Variants in KIF6 observed in about 807,000 individuals in gnomAD.
KIF6 encodes the protein kinesin-like protein KIF6.
Under a neutral mutation model 112.7 loss-of-function variants are expected in KIF6, and 106 were observed. That is an observed-to-expected ratio of 0.94 (90% CI 0.80 to 1.11). KIF6 has a LOEUF of 1.11. KIF6 is among the 50% of genes least tolerant of loss of function. The pLI is 0.00. For missense variants in KIF6, 929 were observed against 964.0 expected (o/e 0.96, Z 0.48); for synonymous variants, 339 against 339.9 (o/e 1.00, Z 0.03).
At position 39,540,204 on chromosome 6, in the gene KIF6, A is replaced by G; in HGVS notation, c.1444T>C (p.Leu482=). 6.2e-7 allele frequency: 1 copy of G among 1,609,820 alleles called. No homozygotes were observed. The highest frequency in any genetic ancestry group is 8.5e-7 in the Non-Finnish European group (1 of 1,178,612). ...DNEINILVNM[L]KKEKKKAQEA... ...TGAGCTTTCTTCTTTTCTTTTTTTA[A>G]CATGTTGACCAGGATATCTGAAACT... The change falls in exon 13 of 23, where the codon TTA becomes CTA. Residue 482 remains leucine (L), a synonymous_variant. Coordinates refer to ENST00000287152, the MANE Select transcript of KIF6 (RefSeq NM_145027.6).
Position 39,333,607 on chromosome 6 carries a change from T to C in KIF6, c.*2925A>G, listed in dbSNP as rs114160593. The C allele has an allele frequency of 6.3e-4, 96 of 152,372 alleles. No individual in the cohort carries two copies. Among genetic ancestry groups the C allele is most frequent in the African/African-American group, 2.2e-3 (92 of 41,588 alleles). 9.4% of individuals were successfully genotyped at this position (152,372 alleles called of 1,614,324 possible). A position where few individuals can be genotyped will look rare whatever the true frequency, so the allele number is the denominator to read the frequency against. On this transcript the variant is annotated 3_prime_UTR_variant, in exon 23 of 23. Transcript: ENST00000287152. ...TTTGCCAACACCACATTAGTCAAAG[T>C]GGGCCATGACAAAGCTTTGGATGTG...
chr6:39,367,303 T>C (rs1486261693), intron 16 of KIF6, among the ~76,000 whole-genome samples: 1 of 152,070 alleles, frequency 6.6e-6, no homozygotes, highest in African/African-American at 2.4e-5. Flanking sequence ...GTTTTGTAGG[T>C]CTCCATCCCC....
At chr6:39,353,405 A>G (rs887999213) in intron 19 of KIF6, among the ~76,000 whole-genome samples, 2 of 152,100 alleles carry the variant, frequency 1.3e-5, no homozygotes, top group Non-Finnish European at 2.9e-5. Context: ...TCTTTTGCCC[A>G]CTTTTAAACT....
At chr6:39,517,214 G>A (rs1777135760) in intron 13 of KIF6, among the ~76,000 whole-genome samples, 1 of 152,134 alleles carries the variant, frequency 6.6e-6, no homozygotes, top group African/African-American at 2.4e-5. Context: ...TTACCCAAAT[G>A]ACACTGTAAC....
chr6:39,350,733 A>G (rs1476014564), intron 19 of KIF6, among the ~76,000 whole-genome samples: 1 of 152,196 alleles, frequency 6.6e-6, no homozygotes, highest in South Asian at 2.1e-4. Context: ...ACCAGCATCT[A>G]AAGCAAGTGG....
At chr6:39,493,747 G>A (rs1286726597) in intron 13 of KIF6, among the ~76,000 whole-genome samples, 3 of 152,164 alleles carry the variant, frequency 2.0e-5, no homozygotes, top group Non-Finnish European at 4.4e-5. Context: ...CTTTCAAATT[G>A]TACACGATTT....
At chr6:39,337,401 C>T (rs1179004364) in intron 22 of KIF6, among the ~76,000 whole-genome samples, 2 of 151,392 alleles carry the variant, frequency 1.3e-5, no homozygotes, top group Non-Finnish European at 2.9e-5. Context: ...CAACCTCTGC[C>T]TCCGGGGTTC....
rs369351806 is a variant in KIF6 at position 39,421,385 on chromosome 6, C to T, written c.1755-1382G>A. On this transcript the variant is annotated intron_variant, in intron 14 of 22. Transcript: ENST00000287152. ...TTGTCCAGTTTTATTTCAACTATTTCCCCTCCTCCTCCGCACTCTTCTCTT... is the reference window on the plus strand; with the variant it reads ...TTGTCCAGTTTTATTTCAACTATTTTCCCTCCTCCTCCGCACTCTTCTCTT... Among the ~76,000 whole-genome samples the T allele has an allele frequency of 3.9e-5, 6 of 152,324 alleles. No homozygotes were observed. The East Asian group carries it at 7.7e-4, about 20-fold the overall frequency.
chr6:39,542,869 C>T (rs542127987), intron 12 of KIF6, among the ~76,000 whole-genome samples: 3 of 152,176 alleles, frequency 2.0e-5, no homozygotes, highest in African/African-American at 7.2e-5. Flanking sequence ...GATTTCAATC[C>T]AGGTATGAAT....
intron 15 of KIF6, among the ~76,000 whole-genome samples, chr6:39,404,488 G>A (rs1201209950): frequency 6.6e-6 from 1 of 152,068 alleles, no homozygotes; most frequent in Non-Finnish European, 1.5e-5. Flanking sequence ...TACAGGTGTG[G>A]GTCTGTTTTT....
chr6:39,666,939 A>G (rs1786502243), intron 3 of KIF6, among the ~76,000 whole-genome samples: 1 of 152,226 alleles, frequency 6.6e-6, no homozygotes. Flanking sequence ...TGCAGCACCA[A>G]TAATAATTAG....
chr6:39,346,100 T>TC (rs1562113049), intron 20 of KIF6, among the ~76,000 whole-genome samples: 29 of 8,166 alleles, frequency 3.6e-3, no homozygotes, highest in African/African-American at 0.017. Context: ...CCCCTCTCCC[T>TC]CCCCCCCTCC....
At position 39,572,659 on chromosome 6, in the gene KIF6, CTTTTTTTTTTT is replaced by C. The variant is rs35901482; in HGVS notation, c.1181+5386_1181+5396del. ...CCAAGCCTAGCCAAAGATCTACAGG[CTTTTTTTTTTT>C]TTTTTTTTTTTACCAAAGAAACAAT... On this transcript the variant is annotated intron_variant, in intron 10 of 22. Coordinates refer to ENST00000287152, the MANE Select transcript of KIF6 (RefSeq NM_145027.6). 2.0e-5 allele frequency among the ~76,000 whole-genome samples: 2 copies of C among 102,218 alleles called. 1 individual carries two copies. Among genetic ancestry groups the C allele is most frequent in the African/African-American group, 7.2e-5 (2 of 27,922 alleles). The allele number at this position is 102,218 out of a possible 152,430, so 67.1% of individuals were successfully genotyped here.
At chr6:39,566,679 T>C (rs1467755513) in intron 10 of KIF6, among the ~76,000 whole-genome samples, 3 of 152,202 alleles carry the variant, frequency 2.0e-5, no homozygotes, top group East Asian at 1.9e-4. Context: ...TGAAAATAAT[T>C]TGAAGATTCC....
intron 3 of KIF6, among the ~76,000 whole-genome samples, chr6:39,697,997 T>C (rs1029862780): frequency 5.9e-5 from 9 of 152,246 alleles, no homozygotes; most frequent in Non-Finnish European, 1.3e-4. Context: ...ATATTACTCA[T>C]ATAATTATTA....
At chr6:39,434,496 A>G (rs1444663086) in intron 13 of KIF6, among the ~76,000 whole-genome samples, 3 of 152,036 alleles carry the variant, frequency 2.0e-5, no homozygotes, top group Non-Finnish European at 4.4e-5. Flanking sequence ...ACTTGAACCC[A>G]GGAGGCAGAG....
At chr6:39,381,903 G>A (rs949042863) in intron 16 of KIF6, among the ~76,000 whole-genome samples, 17 of 152,214 alleles carry the variant, frequency 1.1e-4, no homozygotes, top group South Asian at 4.1e-4. Context: ...AACACCTGCT[G>A]TAATTCAGAA....
intron 3 of KIF6, among the ~76,000 whole-genome samples, chr6:39,665,122 A>C (rs998646347): frequency 6.6e-6 from 1 of 152,202 alleles, no homozygotes; most frequent in Admixed American, 6.5e-5. Flanking sequence ...GCATGCACCC[A>C]GCTTTATAAC....
chr6:39,543,651 A>T (rs1778917239), intron 12 of KIF6, among the ~76,000 whole-genome samples: 2 of 152,260 alleles, frequency 1.3e-5, no homozygotes, highest in Admixed American at 1.3e-4. Context: ...GTTTATAAAG[A>T]ACTGACCGAA....
Sources: allele counts gnomAD v4.1 joint callset (sites outside exome capture counted in the v4.1 genomes callset), GRCh38; gene constraint gnomAD v4.1.1; transcripts MANE v1.5; gene names NCBI Gene and HGNC (gene_info 2026-07-23, HGNC 2026-07-21).